CROCC2: variants seen among roughly 807,000 people sequenced by gnomAD.
CROCC2 encodes the protein ciliary rootlet coiled-coil, rootletin family member 2, also known as ciliary rootlet coiled-coil protein 2.
A neutral mutation model predicts 177.6 loss-of-function variants in CROCC2; 163 were observed. The ratio of observed to expected loss-of-function variants is 0.92; its 90% CI spans 0.81 to 1.05. The LOEUF is 1.05. CROCC2 is among the 50% of genes least tolerant of loss of function. The pLI, the probability that CROCC2 is intolerant of heterozygous loss-of-function variation, is 0.00. For synonymous variants in CROCC2, 904 were observed against 787.3 expected (o/e 1.15, Z -2.48); for missense variants, 1,929 against 1,797.8 (o/e 1.07, Z -1.32).
In CROCC2 at chr2:240,949,726, G is replaced by A; in HGVS notation, c.2652+24G>A. On this transcript the variant is annotated intron_variant, in intron 17 of 31. Coordinates refer to ENST00000690015, the MANE Select transcript of CROCC2 (RefSeq NM_001351305.2). The surrounding 1 kb of genome is among the most constrained non-coding windows in gnomAD (Gnocchi z 4.5). ...AGGTCTGCTTCCCAGGAGCCCACCA[G>A]TAGCTTCCTAGAAGGCTACCAGGTC... 1 of 1,523,798 alleles carries A rather than the reference G, an allele frequency of 6.6e-7. No individual in the cohort carries two copies. The highest frequency in any genetic ancestry group is 8.8e-7 in the Non-Finnish European group (1 of 1,130,240). 94.4% of individuals were successfully genotyped at this position (1,523,798 alleles called of 1,614,324 possible).
At chr2:240,964,069 G>A (rs1486627559) in intron 21 of CROCC2, 2 of 560,364 alleles carry the variant, frequency 3.6e-6, no homozygotes, top group Non-Finnish European at 6.4e-6. Flanking sequence ...CAGAGCTGGG[G>A]AGCAGAGGGA....
chr2:240,930,328 C>T, intron 6 of CROCC2, 59 bp downstream of exon 6: 1 of 476,030 alleles, frequency 2.1e-6, no homozygotes, highest in Non-Finnish European at 3.9e-6. Context: ...CTGAAACCCC[C>T]TTGGGGAGGG....
intron 28 of CROCC2, among the ~76,000 whole-genome samples, chr2:240,987,021 G>A (rs1427359190): frequency 6.6e-6 from 1 of 152,236 alleles, no homozygotes; most frequent in Non-Finnish European, 1.5e-5. Context: ...CAGCCAGCTT[G>A]TCCACAAAGG....
rs2059680331 is a variant in CROCC2, at chr2:240,965,912, T to C, written c.3880T>C (p.Cys1294Arg). The part of the protein sequence containing the change: ...QDAEAQLGRL[C>R]STLRRGLGLQ... ...TGCGGAGGCCCAGCTGGGCCGGCTG[T>C]GCTCCACGCTCCGCCGTGGCCTGGG... Residue 1294 changes from cysteine to arginine, a missense_variant, in exon 24 of 32, where the codon TGC becomes CGC. Coordinates refer to ENST00000690015, the MANE Select transcript of CROCC2 (RefSeq NM_001351305.2). The C allele has an allele frequency of 1.2e-5, 17 of 1,427,368 alleles. No homozygotes were observed. In the East Asian group the frequency reaches 4.5e-4, roughly 38 times the overall value. The allele number at this position is 1,427,368 out of a possible 1,614,324, so 88.4% of individuals were successfully genotyped here.
chr2:240,914,797 T>TGCTGAGGGCTGGTGGGGCC (rs1553654373), intron 1 of CROCC2, among the ~76,000 whole-genome samples: 1 of 152,162 alleles, frequency 6.6e-6, no homozygotes, highest in Non-Finnish European at 1.5e-5. Context: ...GTGGTGGGGC[T>TGCTGAGGGCTGGTGGGGCC]GCTGAGGGCT....
chr2:240,940,602 A>G (rs1299162498), intron 14 of CROCC2, among the ~76,000 whole-genome samples: 1 of 149,506 alleles, frequency 6.7e-6, no homozygotes, highest in Non-Finnish European at 1.5e-5. Flanking sequence ...AAATCACATG[A>G]TCATCTCAAT....
chr2:240,961,661 G>A (rs188527867), intron 20 of CROCC2, among the ~76,000 whole-genome samples: 9 of 108,316 alleles, frequency 8.3e-5, no homozygotes, highest in Admixed American at 4.3e-4. Flanking sequence ...TCACACACAC[G>A]TACACACACA....
chr2:240,947,616 G>C (rs1000736570), intron 15 of CROCC2, among the ~76,000 whole-genome samples: 1 of 152,254 alleles, frequency 6.6e-6, no homozygotes, highest in Non-Finnish European at 1.5e-5. Context: ...CCATTGATGA[G>C]CTCGCAGGTA....
At chr2:240,950,088 A>T (rs1424675919) in intron 17 of CROCC2, among the ~76,000 whole-genome samples, 3 of 152,190 alleles carry the variant, frequency 2.0e-5, no homozygotes, top group African/African-American at 7.2e-5. Flanking sequence ...GGTGCACTGC[A>T]GAGACTCAGG....
intron 28 of CROCC2, among the ~76,000 whole-genome samples, chr2:240,986,783 G>C (rs76693428): frequency 0.032 from 4,820 of 152,326 alleles, 492 homozygotes; most frequent in East Asian, 0.29. Context: ...CTGCAGAGTG[G>C]GCTGCACCAG....
chr2:240,950,336 G>A lies in CROCC2; in HGVS notation c.2655G>A (p.Glu885=). The change falls in exon 18 of 32, where the codon GAG becomes GAA. Residue 885 remains glutamate, a splice_region_variant and synonymous_variant. Coordinates refer to ENST00000690015, the MANE Select transcript of CROCC2 (RefSeq NM_001351305.2). ...EALAQLQREK[E]TLSLTLAEEK... is the part of the protein sequence containing the mutation. ...CCCATCCCTTTACCTTGGCCCAGGA[G>A]ACCCTGAGCCTGACCCTGGCAGAGG... 1.3e-6 allele frequency: 2 copies of A among 1,549,442 alleles called. No individual in the cohort carries two copies. Among genetic ancestry groups the A allele is most frequent in the Non-Finnish European group, 8.7e-7 (1 of 1,146,494 alleles).
chr2:240,916,547 C>T (rs373107307), intron 1 of CROCC2, among the ~76,000 whole-genome samples: 4 of 142,912 alleles, frequency 2.8e-5, no homozygotes, highest in Admixed American at 7.3e-5. Context: ...GCTCCCCCCG[C>T]GCTCCCCGCG....
At chr2:240,926,158 G>T (rs2059394503) in intron 5 of CROCC2, among the ~76,000 whole-genome samples, 1 of 152,230 alleles carries the variant, frequency 6.6e-6, no homozygotes, top group Admixed American at 6.5e-5. Flanking sequence ...CTCTGGTGTG[G>T]ACCACGCTCT....
rs1026763486 is a variant in CROCC2 at position 240,958,230 on chromosome 2, G to A, written c.2944-1071G>A. ...CACCACTGCCATCGGGCTCCCAGCC[G>A]ATGCCCTGTCCCTGAGGCCCTCACA... is the stretch of plus-strand genomic sequence containing the variant. On this transcript the variant is annotated intron_variant, in intron 19 of 31. Coordinates refer to ENST00000690015, the MANE Select transcript of CROCC2 (RefSeq NM_001351305.2). The surrounding 1 kb of genome is among the most constrained non-coding windows in gnomAD (Gnocchi z 6.7). 1.5e-5 allele frequency: 15 copies of A among 977,864 alleles called. No homozygotes were observed. In the East Asian group the frequency reaches 3.4e-4, roughly 22 times the overall value. 60.6% of individuals were successfully genotyped at this position (977,864 alleles called of 1,614,324 possible).
chr2:240,919,427 G>A (rs2059343987), intron 2 of CROCC2, among the ~76,000 whole-genome samples: 1 of 152,148 alleles, frequency 6.6e-6, no homozygotes, highest in Non-Finnish European at 1.5e-5. Context: ...CCCGCCCCAG[G>A]CCCCTGCTCT....
intron 28 of CROCC2, among the ~76,000 whole-genome samples, chr2:240,985,672 GGCACT>G (rs1559192795): frequency 3.7e-5 from 2 of 54,660 alleles, no homozygotes; most frequent in African/African-American, 9.2e-5. Context: ...CACACACCCA[GGCACT>G]CACTCCACAC....
At chr2:240,941,746 G>A (rs1389315329) in intron 14 of CROCC2, among the ~76,000 whole-genome samples, 1 of 152,158 alleles carries the variant, frequency 6.6e-6, no homozygotes, top group Non-Finnish European at 1.5e-5. Flanking sequence ...GACCCTTCCA[G>A]CAATACATTC....
chr2:240,985,950 C>T (rs1179491937), intron 28 of CROCC2: 2 of 456,586 alleles, frequency 4.4e-6, no homozygotes, highest in South Asian at 1.5e-5. Flanking sequence ...GGGGTGGCCT[C>T]ACACCGATCC....
At chr2:240,947,404 C>A (rs10181667) in intron 15 of CROCC2, among the ~76,000 whole-genome samples, 1 of 152,136 alleles carries the variant, frequency 6.6e-6, no homozygotes. Flanking sequence ...GACAGCTGCC[C>A]CTACCTCAGC....
Sources: gnomAD v4.1 joint callset for allele counts (sites outside exome capture counted in the v4.1 genomes callset) on GRCh38, gnomAD v4.1.1 for gene constraint, Gnocchi (gnomAD v3.1) non-coding constraint, MANE v1.5 for transcripts, NCBI Gene and HGNC (gene_info 2026-07-23, HGNC 2026-07-21) for gene names.